The following VCAN variants were observed in gnomAD, a reference collection of about 807,000 sequenced individuals.
The protein encoded by VCAN is versican core protein.
A neutral mutation model predicts 245.5 loss-of-function variants in VCAN; 44 were observed. The ratio of observed to expected loss-of-function variants is 0.18; its 90% confidence interval spans 0.14 to 0.23. The LOEUF (loss-of-function observed/expected upper bound fraction) is 0.23, where lower values mean the gene tolerates loss of function less well. Among genes scored for constraint, VCAN ranks in the 10% least tolerant of loss-of-function variants. VCAN has a pLI of 1.00. For missense variants in VCAN, 3,793 were observed against 4,057.9 expected (o/e 0.93, Z 1.77); for synonymous variants, 1,413 against 1,437.0 (o/e 0.98, Z 0.38).
At chr5:83,536,215 A>C (rs1580036803) in intron 7 of VCAN, 3 of 152,298 alleles carry the variant, frequency 2.0e-5, no homozygotes, top group Middle Eastern at 3.4e-3. Context: ...ACAAGAACTA[A>C]AATCAGCCTA....
At chr5:83,565,610 A>G (rs1036037372) in intron 12 of VCAN, among the ~76,000 whole-genome samples, 3 of 152,208 alleles carry the variant, frequency 2.0e-5, no homozygotes, top group Admixed American at 6.5e-5. Context: ...ACCAGTGCTC[A>G]TTGATTATTC....
At position 83,541,243 on chromosome 5, in the gene VCAN, C is replaced by T. The variant is rs1746974414; in HGVS notation, c.8240C>T (p.Thr2747Ile). 1.9e-6 allele frequency: 3 copies of T among 1,613,934 alleles called. No individual in the cohort carries two copies. Among genetic ancestry groups the T allele is most frequent in the South Asian group, 1.1e-5 (1 of 91,080 alleles). The change falls in exon 8 of 15, where the codon ACT becomes ATT. Residue 2747 changes from threonine (T) to isoleucine (I), a missense_variant. Around this residue, in one of 5 missense-constraint regions of VCAN, gnomAD observed 3,182 missense variants for 3,250.3 expected, o/e 0.98. Transcript: ENST00000265077. ...CCAACATTGGGCCAATTTGAAAGGA[C>T]TCAGGAGGAGTATGAAGACAAAAAA... ...IIPTLGQFER[T>I]QEEYEDKKHA...
chr5:83,560,848 TC>T (rs1364314653), intron 12 of VCAN, among the ~76,000 whole-genome samples: 1 of 151,970 alleles, frequency 6.6e-6, no homozygotes, highest in African/African-American at 2.4e-5. Flanking sequence ...CTTCAATGAT[TC>T]CCCCCAGCAC....
intron 8 of VCAN, among the ~76,000 whole-genome samples, chr5:83,544,806 G>A (rs566494278): frequency 9.9e-5 from 15 of 151,960 alleles, no homozygotes; most frequent in South Asian, 2.1e-4. Flanking sequence ...TTATGTCTTC[G>A]GCCTTCATAT....
intron 7 of VCAN, among the ~76,000 whole-genome samples, chr5:83,528,605 G>A (rs997307975): frequency 9.9e-5 from 15 of 152,094 alleles, no homozygotes; most frequent in Non-Finnish European, 4.4e-5. Flanking sequence ...ATTTTGATAA[G>A]ACAGCATGTT....
rs773355645 is a variant in VCAN at position 83,553,374 on chromosome 5, A to G, written c.9504A>G (p.Thr3168=). The change falls in exon 11 of 15, where the codon ACA becomes ACG. Residue 3168 remains threonine (T), a synonymous_variant. Coordinates refer to ENST00000265077, the MANE Select transcript of VCAN (RefSeq NM_004385.5). Reference sequence around the variant, plus strand: ...CCTGTTTCTTCTCAGATACCGAGACATGTGACTATGGCTGGCACAAATTCC... The same window carrying G: ...CCTGTTTCTTCTCAGATACCGAGACGTGTGACTATGGCTGGCACAAATTCC... The part of the protein sequence containing the change: ...VGALCEQDTE[T]CDYGWHKFQG... 5.0e-6 allele frequency: 8 copies of G among 1,614,066 alleles called. No individual in the cohort carries two copies. The highest frequency in any genetic ancestry group is 1.3e-5 in the African/African-American group (1 of 75,034).
chr5:83,542,653 C>T (rs1459453700), intron 8 of VCAN, among the ~76,000 whole-genome samples: 1 of 152,124 alleles, frequency 6.6e-6, no homozygotes, highest in Non-Finnish European at 1.5e-5. Context: ...TTTTTAAAAA[C>T]CCTCCCATTG....
intron 2 of VCAN, among the ~76,000 whole-genome samples, chr5:83,488,229 C>T (rs182638024): frequency 3.1e-4 from 47 of 152,280 alleles, no homozygotes; most frequent in African/African-American, 1.1e-3. Flanking sequence ...GTAGAAGGTA[C>T]TTTCAGAGAG....
chr5:83,572,876 TA>T (rs1748340438), intron 13 of VCAN, among the ~76,000 whole-genome samples: 1 of 149,422 alleles, frequency 6.7e-6, no homozygotes, highest in Admixed American at 6.7e-5. Context: ...TTTATTTATT[TA>T]TTTATTTATT....
In VCAN at chr5:83,490,370, C is replaced by T; in HGVS notation, c.343C>T (p.Leu115Phe). The stretch of plus-strand genomic sequence containing the variant: ...TCCCGAGGCTGTGGGCGATGCCTCC[C>T]TCACTGTGGTCAAGCTGCTGGCAAG... ...THPEAVGDAS[L>F]TVVKLLASDA... Residue 115 changes from leucine (L) to phenylalanine (F), a missense_variant, in exon 3 of 15, where the codon CTC becomes TTC. By Grantham distance (22) the Leu-to-Phe change is conservative (BLOSUM62 0). Around this residue, in one of 5 missense-constraint regions of VCAN, gnomAD observed 179 missense variants for 169.7 expected, o/e 1.05. Transcript: ENST00000265077. The T allele has an allele frequency of 6.2e-7, 1 of 1,614,230 alleles. No individual in the cohort carries two copies. Among genetic ancestry groups the T allele is most frequent in the Non-Finnish European group, 8.5e-7 (1 of 1,180,048 alleles).
chr5:83,521,519 A>G lies in VCAN; in HGVS notation c.3213A>G (p.Ser1071=), dbSNP rs576080215. The change falls in exon 7 of 15, where the codon TCA becomes TCG. Residue 1071 remains serine, a synonymous_variant. Coordinates refer to ENST00000265077, the MANE Select transcript of VCAN (RefSeq NM_004385.5). The stretch of plus-strand genomic sequence containing the variant: ...TGGATGAACAAGAGGGCGATGGATC[A>G]GCATATACAGTCTCTGAAGATGAAT... ...TPLDEQEGDG[S]AYTVSEDELL... 14 of 1,614,076 alleles carry G rather than the reference A, an allele frequency of 8.7e-6. No homozygotes were observed. The Admixed American group carries it at 2.3e-4, about 27-fold the overall frequency.
chr5:83,490,145 G>C lies in VCAN; in HGVS notation c.118G>C (p.Val40Leu), dbSNP rs763096343. Residue 40 changes from valine (V) to leucine (L), a missense_variant, in exon 3 of 15, where the codon GTC (valine) becomes CTC (leucine). Transcript: ENST00000265077. ...PPVRGSLSGK[V>L]SLPCHFSTMP... ...GGTGAGGGGCTCCCTCTCTGGAAAA[G>C]TCAGCCTACCTTGTCATTTTTCAAC... 1 of 1,614,136 alleles carries C rather than the reference G, an allele frequency of 6.2e-7. No homozygotes were observed. The highest frequency in any genetic ancestry group is 1.1e-5 in the South Asian group (1 of 91,090).
chr5:83,540,246 G>A lies in VCAN; in HGVS notation c.7243G>A (p.Val2415Ile), dbSNP rs1409511308. Residue 2415 changes from valine (V) to isoleucine (I), a missense_variant, in exon 8 of 15, where the codon GTT (valine) becomes ATT (isoleucine). By Grantham distance (29) the Val-to-Ile change is conservative. Coordinates refer to ENST00000265077, the MANE Select transcript of VCAN (RefSeq NM_004385.5). ...AYGFEMAKEFVTSAPKPSDLY... is the reference protein window; with the variant it reads ...AYGFEMAKEFITSAPKPSDLY... ...TGGTTTTGAAATGGCCAAAGAATTT[G>A]TTACATCAGCACCAAAACCATCTGA... is the stretch of plus-strand genomic sequence containing the variant. The A allele has an allele frequency of 6.2e-7, 1 of 1,614,036 alleles. No individual in the cohort carries two copies. Among genetic ancestry groups the A allele is most frequent in the Admixed American group, 1.7e-5 (1 of 59,990 alleles).
chr5:83,501,140 A>G (rs1181608627), intron 5 of VCAN, among the ~76,000 whole-genome samples: 1 of 152,104 alleles, frequency 6.6e-6, no homozygotes, highest in Non-Finnish European at 1.5e-5. Flanking sequence ...AACTTTGCCC[A>G]CTTATAATTG....
Position 83,541,676 on chromosome 5 carries a change from T to G in VCAN, c.8673T>G (p.Ser2891=). 1 of 1,613,890 alleles carries G rather than the reference T, an allele frequency of 6.2e-7. No homozygotes were observed. Among genetic ancestry groups the G allele is most frequent in the Non-Finnish European group, 8.5e-7 (1 of 1,180,000 alleles). The change falls in exon 8 of 15, where the codon TCT becomes TCG. Residue 2891 remains serine (S), a synonymous_variant. Transcript: ENST00000265077. The stretch of plus-strand genomic sequence containing the variant: ...ACCTTCACATAACTGAGCCTCCCTC[T>G]TTATCTCCTGACACAAAATTAGAAC... ...EEYLHITEPP[S]LSPDTKLEPS... is the part of the protein sequence containing the mutation.
rs755525139 is a variant in VCAN at position 83,520,022 on chromosome 5, C to G, written c.1716C>G (p.Ile572Met). Reference protein sequence around the residue: ...LTVGSDESTLIFDQIPEVITV... With the variant: ...LTVGSDESTLMFDQIPEVITV... The stretch of plus-strand genomic sequence containing the variant: ...TTGGATCTGATGAGAGCACCTTGAT[C>G]TTTGACCAAATTCCTGAAGTCATTA... The change falls in exon 7 of 15, where the codon ATC (isoleucine) becomes ATG (methionine). Residue 572 changes from isoleucine to methionine, a missense_variant. Physicochemically the swap from Ile to Met is conservative, Grantham distance 10 (BLOSUM62 1). Around this residue, in one of 5 missense-constraint regions of VCAN, gnomAD observed 3,182 missense variants for 3,250.3 expected, o/e 0.98. Coordinates refer to ENST00000265077, the MANE Select transcript of VCAN (RefSeq NM_004385.5). The G allele has an allele frequency of 1.9e-6, 3 of 1,613,998 alleles. No individual in the cohort carries two copies. The South Asian group carries it at 3.3e-5, about 18-fold the overall frequency.
rs1746115226 is a variant in VCAN at position 83,521,836 on chromosome 5, A to C, written c.3530A>C (p.Asp1177Ala). ...ACTACTGAGAAAACATCCCTAGAGG[A>C]TATTGATTTAGGCTCAGGATTATTT... Reference protein sequence around the residue: ...ETTTEKTSLEDIDLGSGLFEK... With the variant: ...ETTTEKTSLEAIDLGSGLFEK... Residue 1177 changes from aspartate (D) to alanine (A), a missense_variant, in exon 7 of 15, where the codon GAT (aspartate) becomes GCT (alanine). By Grantham distance (126) the Asp-to-Ala change is moderately radical (BLOSUM62 -2). Coordinates refer to ENST00000265077, the MANE Select transcript of VCAN (RefSeq NM_004385.5). 1 of 1,614,032 alleles carries C rather than the reference A, an allele frequency of 6.2e-7. No individual in the cohort carries two copies. Among genetic ancestry groups the C allele is most frequent in the South Asian group, 1.1e-5 (1 of 91,078 alleles).
In VCAN at chr5:83,537,781, C is replaced by G; in HGVS notation, c.4778C>G (p.Ala1593Gly). The G allele has an allele frequency of 6.2e-7, 1 of 1,614,012 alleles. No individual in the cohort carries two copies. The highest frequency in any genetic ancestry group is 2.2e-5 in the East Asian group (1 of 44,868). The change falls in exon 8 of 15, where the codon GCA becomes GGA. Residue 1593 changes from alanine to glycine, a missense_variant. By Grantham distance (60) the Ala-to-Gly change is moderately conservative (BLOSUM62 0). This residue lies in a region of VCAN where 3,182 missense variants were observed against 3,250.3 expected (regional missense o/e 0.98). Transcript: ENST00000265077. ...ACTATAGTTCCAAGTTCTGCATCAG[C>G]ATATGTTTCAGAGGAAGAAGCAGTT... ...TPTIVPSSAS[A>G]YVSEEEAVTL...
At chr5:83,532,259 A>G (rs931703291) in intron 7 of VCAN, among the ~76,000 whole-genome samples, 5 of 152,076 alleles carry the variant, frequency 3.3e-5, no homozygotes, top group African/African-American at 1.2e-4. Flanking sequence ...AGGTGGTGAC[A>G]GGAAATGGGG....
Sources: allele counts gnomAD v4.1 joint callset (sites outside exome capture counted in the v4.1 genomes callset), GRCh38; gene constraint gnomAD v4.1.1; regional missense constraint gnomAD v4.1.1; transcripts MANE v1.5; gene names NCBI Gene and HGNC (gene_info 2026-07-23, HGNC 2026-07-21).